Variants in PHF6 observed in about 807,000 individuals in gnomAD.
PHF6 encodes the protein PHD finger protein 6.
Under a neutral mutation model 34.0 loss-of-function variants are expected in PHF6, and 7 were observed. The ratio of observed to expected loss-of-function variants is 0.21; its 90% CI spans 0.12 to 0.39. PHF6 has a LOEUF of 0.39. Ranked by LOEUF, PHF6 falls within the 10% of genes least tolerant of loss-of-function variation. The pLI is 1.00. For synonymous variants in PHF6, 89 were observed against 88.4 expected (o/e 1.01, Z -0.04); for missense variants, 128 against 262.8 (o/e 0.49, Z 3.55).
Position 134,413,532 on chromosome X carries a change from T to C in PHF6, c.460T>C (p.Ser154Pro). ...ESFNEHELEP[S>P]SPKSKKKSRK... Reference sequence around the variant, plus strand: ...TTTTAATGAACATGAACTGGAGCCCTCATCACCTAAAAGTAAAAAGAAAAG... The same window carrying C: ...TTTTAATGAACATGAACTGGAGCCCCCATCACCTAAAAGTAAAAAGAAAAG... The change falls in exon 6 of 11, where the codon TCA becomes CCA. Residue 154 changes from serine to proline, a missense_variant. This residue lies in a region of PHF6 where 97 missense variants were observed against 152.9 expected (regional missense o/e 0.63). Coordinates refer to ENST00000370803, the MANE Select transcript of PHF6 (RefSeq NM_001015877.2). The C allele has an allele frequency of 8.3e-7, 1 of 1,210,594 alleles. No homozygotes were observed. The highest frequency in any genetic ancestry group is 1.1e-6 in the Non-Finnish European group (1 of 895,251).
chrX:134,395,000 C>T (rs2077371568), intron 5 of PHF6, among the ~76,000 whole-genome samples: 1 of 109,821 alleles, frequency 9.1e-6, no homozygotes, highest in Non-Finnish European at 1.9e-5. Flanking sequence ...TTACAAGCAC[C>T]CGCCACTACG....
chrX:134,393,642 T>C lies in PHF6; in HGVS notation c.374+8T>C, dbSNP rs142596708. ...TTCACAAGGAATTTACATGTAATTA[T>C]TTAACTTCTCTTTAAGTTTTTTTTT... On this transcript the variant is annotated splice_region_variant and intron_variant, in intron 4 of 10. Coordinates refer to ENST00000370803, the MANE Select transcript of PHF6 (RefSeq NM_001015877.2). 2.3e-3 allele frequency: 2,755 copies of C among 1,192,374 alleles called. 83 individuals carry two copies. In the Admixed American group the frequency reaches 0.058, roughly 25 times the overall value.
chrX:134,393,768 A>T (rs2077364915), intron 4 of PHF6, 134 bp downstream of exon 4: 1 of 796,455 alleles, frequency 1.3e-6, no homozygotes, highest in Non-Finnish European at 1.8e-6. Flanking sequence ...TTTAATACTT[A>T]GAGAAATAGT....
chrX:134,400,672 C>G (rs6638224), intron 5 of PHF6, among the ~76,000 whole-genome samples: 13,312 of 110,155 alleles, frequency 0.12, 692 homozygotes, highest in East Asian at 0.21. Context: ...AAGAATAGCT[C>G]TGAAGACTGG....
chrX:134,387,187 G>A (rs898554758), intron 3 of PHF6, among the ~76,000 whole-genome samples: 1 of 111,855 alleles, frequency 8.9e-6, no homozygotes, highest in Non-Finnish European at 1.9e-5. Context: ...AAAGGAGAAT[G>A]AATGTAAGGT....
chrX:134,421,586 G>A (rs1237702349), intron 9 of PHF6, among the ~76,000 whole-genome samples: 3 of 110,806 alleles, frequency 2.7e-5, no homozygotes, highest in Non-Finnish European at 3.8e-5. Flanking sequence ...GTTTTAAATG[G>A]AAAATATTTA....
At chrX:134,377,893 A>G (rs1018358968) in intron 2 of PHF6, 112 bp from the exon 3 acceptor site, 4 of 913,786 alleles carry the variant, frequency 4.4e-6, no homozygotes, top group African/African-American at 2.0e-5. Context: ...TTTATCACTA[A>G]TGCTATGCCA....
intron 3 of PHF6, among the ~76,000 whole-genome samples, chrX:134,385,350 G>A (rs1325529113): frequency 2.7e-5 from 3 of 111,817 alleles, no homozygotes; most frequent in Non-Finnish European, 5.6e-5. Flanking sequence ...CACAATATGC[G>A]TTGTATTTGA....
At chrX:134,425,152 C>T in intron 9 of PHF6, 49 bp from the exon 10 acceptor site, 1 of 1,200,062 alleles carries the variant, frequency 8.3e-7, no homozygotes, top group South Asian at 1.8e-5. Context: ...CAGGAATGTT[C>T]ATCAGCAGTG....
chrX:134,409,586 A>C (rs1299958236), intron 5 of PHF6, among the ~76,000 whole-genome samples: 1 of 109,755 alleles, frequency 9.1e-6, no homozygotes, highest in Non-Finnish European at 1.9e-5. Context: ...AACATAGTCT[A>C]TCTCTCCATT....
chrX:134,382,404 C>G (rs2077311234), intron 3 of PHF6, among the ~76,000 whole-genome samples: 1 of 110,669 alleles, frequency 9.0e-6, no homozygotes, highest in African/African-American at 3.3e-5. Flanking sequence ...GTCATCTAGC[C>G]AAGAAATGCA....
intron 5 of PHF6, among the ~76,000 whole-genome samples, chrX:134,412,868 C>CATTA (rs1408422066): frequency 2.7e-5 from 3 of 111,654 alleles, no homozygotes; most frequent in African/African-American, 9.7e-5. Context: ...TTACTTGATC[C>CATTA]ATTAGTTCAA....
chrX:134,387,871 G>A (rs1035622865), intron 3 of PHF6, among the ~76,000 whole-genome samples: 1 of 111,618 alleles, frequency 9.0e-6, no homozygotes, highest in Non-Finnish European at 1.9e-5. Flanking sequence ...TGTTTTTCAA[G>A]CAACTTGTCA....
intron 3 of PHF6, among the ~76,000 whole-genome samples, chrX:134,386,271 C>CA (rs1196895556): frequency 3.6e-5 from 4 of 111,754 alleles, no homozygotes; most frequent in African/African-American, 1.3e-4. Context: ...TTTCTGCAAT[C>CA]ACAGAAGCTG....
At chrX:134,400,633 T>C (rs1037196554) in intron 5 of PHF6, among the ~76,000 whole-genome samples, 68 of 110,499 alleles carry the variant, frequency 6.2e-4, no homozygotes, top group African/African-American at 2.1e-3. Context: ...GTGTGAGGGT[T>C]GGAAGCTGAA....
At chrX:134,417,324 A>G (rs1383019625) in intron 9 of PHF6, 22 bp downstream of exon 9, 7 of 1,198,662 alleles carry the variant, frequency 5.8e-6, no homozygotes, top group East Asian at 3.0e-5. Flanking sequence ...ACAGTTGTCT[A>G]TTTCCCTAAA....
chrX:134,380,337 G>T (rs748248956), intron 3 of PHF6, among the ~76,000 whole-genome samples: 1 of 109,215 alleles, frequency 9.2e-6, no homozygotes, highest in Non-Finnish European at 1.9e-5. Context: ...TAGTAGAGAC[G>T]GGGTTTCACC....
chrX:134,413,972 C>G lies in PHF6; in HGVS notation c.729+6C>G. Reference sequence around the variant, plus strand: ...CTGCCCATTATAAGTGCATGGTAAGCATGGTTCTTTTAAGCCCAATTTTGT... The same window carrying G: ...CTGCCCATTATAAGTGCATGGTAAGGATGGTTCTTTTAAGCCCAATTTTGT... On this transcript the variant is annotated splice_donor_region_variant and intron_variant, in intron 7 of 10. Transcript: ENST00000370803. 1 of 1,208,257 alleles carries G rather than the reference C, an allele frequency of 8.3e-7. No homozygotes were observed. Among genetic ancestry groups the G allele is most frequent in the Non-Finnish European group, 1.1e-6 (1 of 893,061 alleles).
At chrX:134,395,806 A>G (rs1202515600) in intron 5 of PHF6, among the ~76,000 whole-genome samples, 1 of 112,142 alleles carries the variant, frequency 8.9e-6, no homozygotes, top group Admixed American at 9.5e-5. Flanking sequence ...TTGGTTAAAA[A>G]TACAGTCGTT....
Sources: gnomAD v4.1 joint callset for allele counts (sites outside exome capture counted in the v4.1 genomes callset) on GRCh38, gnomAD v4.1.1 for gene constraint, gnomAD v4.1.1 regional missense constraint, MANE v1.5 for transcripts, NCBI Gene and HGNC (gene_info 2026-07-23, HGNC 2026-07-21) for gene names.